Variants in CPNE4 observed in about 807,000 individuals in gnomAD.
CPNE4 encodes copine-4.
A neutral mutation model predicts 67.9 loss-of-function variants in CPNE4; 25 were observed. The ratio of observed to expected loss-of-function variants is 0.37; its 90% confidence interval spans 0.27 to 0.51. The LOEUF (loss-of-function observed/expected upper bound fraction) is 0.51, where lower values mean the gene tolerates loss of function less well. Among genes scored for constraint, CPNE4 ranks in the 20% least tolerant of loss-of-function variants. CPNE4 has a pLI of 0.93. For missense variants in CPNE4, 464 were observed against 690.8 expected (o/e 0.67, Z 3.68); for synonymous variants, 242 against 244.9 (o/e 0.99, Z 0.11).
intron 2 of CPNE4, among the ~76,000 whole-genome samples, chr3:131,885,978 G>T (rs1332246153): frequency 6.6e-6 from 1 of 152,198 alleles, no homozygotes; most frequent in African/African-American, 2.4e-5. Context: ...TTTTTGAAGA[G>T]AAATTCAAGC....
At chr3:131,843,451 T>C (rs953826795) in intron 2 of CPNE4, among the ~76,000 whole-genome samples, 4 of 152,184 alleles carry the variant, frequency 2.6e-5, no homozygotes, top group African/African-American at 9.6e-5. Context: ...ATGGAGCACA[T>C]AGAAAAGAAG....
At chr3:131,955,817 T>A (rs755311838) in intron 1 of CPNE4, among the ~76,000 whole-genome samples, 1 of 152,184 alleles carries the variant, frequency 6.6e-6, no homozygotes, top group Non-Finnish European at 1.5e-5. Context: ...TCGCTGTACA[T>A]CTTTTCTTGC....
intron 2 of CPNE4, among the ~76,000 whole-genome samples, chr3:131,861,561 G>A (rs1476659966): frequency 1.3e-5 from 2 of 151,964 alleles, no homozygotes; most frequent in Admixed American, 6.6e-5. Context: ...CTCCCAAGTA[G>A]TTGGGATTAC....
intron 2 of CPNE4, among the ~76,000 whole-genome samples, chr3:131,831,121 A>C (rs927681551): frequency 1.3e-5 from 2 of 152,060 alleles, no homozygotes; most frequent in Admixed American, 1.3e-4. Context: ...AACATTGCTA[A>C]AAATCCTTCA....
chr3:132,008,068 A>G (rs1417338433), intron 1 of CPNE4, among the ~76,000 whole-genome samples: 1 of 152,206 alleles, frequency 6.6e-6, no homozygotes, highest in African/African-American at 2.4e-5. Context: ...TGTCTGGTAC[A>G]CAGTAGGTGC....
At chr3:131,967,686 C>A (rs1023398094) in intron 1 of CPNE4, among the ~76,000 whole-genome samples, 1 of 151,568 alleles carries the variant, frequency 6.6e-6, no homozygotes, top group African/African-American at 2.4e-5. Context: ...GAAGGAACCA[C>A]TGCTCAAGGA....
chr3:131,756,760 G>T (rs960871656), intron 2 of CPNE4, among the ~76,000 whole-genome samples: 1 of 152,180 alleles, frequency 6.6e-6, no homozygotes, highest in Non-Finnish European at 1.5e-5. Context: ...TGCTTTGGCT[G>T]CACCTCGCCC....
intron 7 of CPNE4, among the ~76,000 whole-genome samples, chr3:131,617,790 C>A (rs1559991441): frequency 6.6e-6 from 1 of 152,188 alleles, no homozygotes; most frequent in South Asian, 2.1e-4. Flanking sequence ...TTCTTTATTT[C>A]CAACAAACCA....
intron 6 of CPNE4, among the ~76,000 whole-genome samples, chr3:131,677,298 T>C (rs930582675): frequency 6.6e-6 from 1 of 151,956 alleles, no homozygotes; most frequent in Non-Finnish European, 1.5e-5. Context: ...TTCTTGTAAA[T>C]TTGTTTAAGT....
At chr3:131,677,646 A>G (rs1488604184) in intron 6 of CPNE4, among the ~76,000 whole-genome samples, 2 of 152,204 alleles carry the variant, frequency 1.3e-5, no homozygotes, top group East Asian at 1.9e-4. Context: ...AATCTTCTGC[A>G]TATGACTAGC....
chr3:131,962,696 CA>C (rs766064718), intron 1 of CPNE4, among the ~76,000 whole-genome samples: 2 of 151,120 alleles, frequency 1.3e-5, no homozygotes, highest in Non-Finnish European at 2.9e-5. Flanking sequence ...GATGGACTTC[CA>C]GTGGAGAAAT....
intron 2 of CPNE4, among the ~76,000 whole-genome samples, chr3:131,736,751 A>G (rs1181005704): frequency 3.9e-5 from 6 of 152,170 alleles, no homozygotes; most frequent in Non-Finnish European, 5.9e-5. Context: ...CTACCTTGCA[A>G]TAGGTTGAGT....
intron 2 of CPNE4, among the ~76,000 whole-genome samples, chr3:131,872,479 G>A (rs993004953): frequency 3.3e-5 from 5 of 152,142 alleles, no homozygotes; most frequent in Non-Finnish European, 7.3e-5. Flanking sequence ...CTGGGTGAGG[G>A]TCAGCCTGTT....
intron 2 of CPNE4, among the ~76,000 whole-genome samples, chr3:131,864,228 T>C (rs1434611985): frequency 1.3e-5 from 2 of 151,188 alleles, no homozygotes; most frequent in Non-Finnish European, 3.0e-5. Context: ...AGTAGTTTTT[T>C]CCAATTCTGT....
chr3:131,646,722 T>C (rs965925009), intron 7 of CPNE4, among the ~76,000 whole-genome samples: 2 of 152,192 alleles, frequency 1.3e-5, no homozygotes, highest in African/African-American at 2.4e-5. Context: ...TTACACCTAC[T>C]ATATAGCCAC....
At chr3:131,767,136 A>C (rs374989968) in intron 2 of CPNE4, among the ~76,000 whole-genome samples, 11 of 152,148 alleles carry the variant, frequency 7.2e-5, no homozygotes, top group South Asian at 4.1e-4. Context: ...ATATGTGTGC[A>C]AGGAAGGGAA....
chr3:131,535,342 A>G lies in CPNE4; in HGVS notation c.1540-13T>C. 1 of 1,607,492 alleles carries G rather than the reference A, an allele frequency of 6.2e-7. No homozygotes were observed. Among genetic ancestry groups the G allele is most frequent in the Non-Finnish European group, 8.5e-7 (1 of 1,177,744 alleles). The stretch of plus-strand genomic sequence containing the variant: ...CAGCTGGAGATGCCTGCAGGGAAGA[A>G]GAAATCATCATGACGTTGGCTTCTG... On this transcript the variant is annotated splice_polypyrimidine_tract_variant and intron_variant, in intron 15 of 15. Transcript: ENST00000429747.
intron 2 of CPNE4, among the ~76,000 whole-genome samples, chr3:131,801,146 T>A (rs927498759): frequency 2.6e-5 from 4 of 151,846 alleles, no homozygotes; most frequent in African/African-American, 9.7e-5. Flanking sequence ...CATCATTTTT[T>A]CAAAGGGCCT....
chr3:131,932,944 C>T (rs1392521671), intron 1 of CPNE4, among the ~76,000 whole-genome samples: 1 of 152,034 alleles, frequency 6.6e-6, no homozygotes, highest in Non-Finnish European at 1.5e-5. Flanking sequence ...TCGCTTGAAC[C>T]TGGGAGGTGA....
Sources: allele counts gnomAD v4.1 joint callset (sites outside exome capture counted in the v4.1 genomes callset), GRCh38; gene constraint gnomAD v4.1.1; transcripts MANE v1.5; gene names NCBI Gene and HGNC (gene_info 2026-07-23, HGNC 2026-07-21).